The following ROBO1 variants were observed in gnomAD, a reference collection of about 807,000 sequenced individuals.
The protein encoded by ROBO1 is roundabout homolog 1.
In ROBO1, 149 loss-of-function variants were observed where a neutral mutation model predicts 195.9. The observed-to-expected ratio is 0.76, with a 90% CI of 0.67 to 0.87. The LOEUF (loss-of-function observed/expected upper bound fraction) is 0.87. Ranked by LOEUF, ROBO1 falls within the 40% of genes least tolerant of loss-of-function variation. The pLI, the probability that ROBO1 is intolerant of heterozygous loss-of-function variation, is 0.00. For missense variants in ROBO1, 1,933 were observed against 2,068.3 expected (o/e 0.93, Z 1.27); for synonymous variants, 816 against 733.2 (o/e 1.11, Z -1.82).
chr3:78,936,474 A>G (rs2039813924), intron 4 of ROBO1, among the ~76,000 whole-genome samples: 1 of 152,072 alleles, frequency 6.6e-6, no homozygotes, highest in East Asian at 1.9e-4. Flanking sequence ...TTGGTCCTCT[A>G]TATTCATGGG....
chr3:79,318,400 G>A (rs543994996), intron 2 of ROBO1, among the ~76,000 whole-genome samples: 3 of 152,266 alleles, frequency 2.0e-5, no homozygotes, highest in Non-Finnish European at 4.4e-5. Context: ...TATGTCACTT[G>A]TTAAATATTC....
chr3:78,972,861 A>T (rs2076798661), intron 3 of ROBO1, among the ~76,000 whole-genome samples: 1 of 152,202 alleles, frequency 6.6e-6, no homozygotes, highest in African/African-American at 2.4e-5. Context: ...GGGAAACTGG[A>T]ATCCTTCCTG....
At chr3:79,633,857 C>T (rs1039008629) in intron 1 of ROBO1, among the ~76,000 whole-genome samples, 2 of 152,076 alleles carry the variant, frequency 1.3e-5, no homozygotes, top group Admixed American at 1.3e-4. Context: ...GCCACTGAAG[C>T]TGTGTCCATC....
chr3:78,683,274 G>C (rs992628286), intron 10 of ROBO1, among the ~76,000 whole-genome samples: 2 of 151,910 alleles, frequency 1.3e-5, no homozygotes, highest in African/African-American at 4.8e-5. Context: ...GATACATGTG[G>C]GATATTTACT....
chr3:78,873,702 A>C (rs11127636), intron 4 of ROBO1, among the ~76,000 whole-genome samples: 62,389 of 151,902 alleles, frequency 0.41, 13,152 homozygotes, highest in South Asian at 0.54. Flanking sequence ...GAGGTTAGGA[A>C]ATTTTTAAAA....
intron 2 of ROBO1, among the ~76,000 whole-genome samples, chr3:79,458,338 TC>T (rs2039686810): frequency 6.6e-6 from 1 of 152,170 alleles, no homozygotes; most frequent in African/African-American, 2.4e-5. Flanking sequence ...CAAACAATGT[TC>T]TTTATTCCAA....
At chr3:79,041,401 T>G (rs2078485142) in intron 3 of ROBO1, among the ~76,000 whole-genome samples, 1 of 152,136 alleles carries the variant, frequency 6.6e-6, no homozygotes, top group Non-Finnish European at 1.5e-5. Context: ...TGTAAATATT[T>G]GAGAGGTATT....
intron 1 of ROBO1, among the ~76,000 whole-genome samples, chr3:79,603,678 A>T (rs1944403546): frequency 6.6e-6 from 1 of 152,030 alleles, no homozygotes; most frequent in Admixed American, 6.6e-5. Flanking sequence ...CTGTGCTTTG[A>T]GTAAATACAT....
chr3:79,183,182 A>AT, intron 2 of ROBO1, among the ~76,000 whole-genome samples: 1 of 151,660 alleles, frequency 6.6e-6, no homozygotes. Flanking sequence ...TTATTTTATG[A>AT]TTTTAATTTC....
At chr3:79,324,286 C>A (rs1004002464) in intron 2 of ROBO1, among the ~76,000 whole-genome samples, 4 of 152,104 alleles carry the variant, frequency 2.6e-5, no homozygotes, top group Admixed American at 6.6e-5. Context: ...TTATTTTGCA[C>A]CTGCTATCTA....
intron 4 of ROBO1, among the ~76,000 whole-genome samples, chr3:78,832,190 G>T (rs2108744978): frequency 6.6e-6 from 1 of 152,282 alleles, no homozygotes; most frequent in East Asian, 1.9e-4. Context: ...ATTTGAAAGA[G>T]ATTCATTTTC....
Position 79,117,806 on chromosome 3 carries a change from T to C in ROBO1, c.172+7650A>G, listed in dbSNP as rs1200222932. Among the ~76,000 whole-genome samples, 4 of 152,294 alleles carry C rather than the reference T, an allele frequency of 2.6e-5. No homozygotes were observed. The East Asian group carries it at 7.7e-4, about 29-fold the overall frequency. ...TTGAAATAAATGGAAGGTGGACTGATGTCTATGATAGTGAAAAAAATATTT... is the reference window on the plus strand; with the variant it reads ...TTGAAATAAATGGAAGGTGGACTGACGTCTATGATAGTGAAAAAAATATTT... On this transcript the variant is annotated intron_variant, in intron 3 of 30. Coordinates refer to ENST00000464233, the MANE Select transcript of ROBO1 (RefSeq NM_002941.4).
intron 4 of ROBO1, among the ~76,000 whole-genome samples, chr3:78,873,371 A>G (rs1194878435): frequency 2.6e-5 from 4 of 152,160 alleles, no homozygotes; most frequent in African/African-American, 9.6e-5. Context: ...AGCTGGCTAA[A>G]CTGTTAGATC....
chr3:79,097,534 T>G (rs774937232), intron 3 of ROBO1, among the ~76,000 whole-genome samples: 20 of 151,832 alleles, frequency 1.3e-4, no homozygotes, highest in Admixed American at 7.2e-4. Context: ...AAACTAAATT[T>G]ATTTGCACTT....
At chr3:78,762,198 A>C (rs764367674) in intron 4 of ROBO1, among the ~76,000 whole-genome samples, 1 of 152,082 alleles carries the variant, frequency 6.6e-6, no homozygotes, top group South Asian at 2.1e-4. Context: ...CTTTAAATGC[A>C]TAAGTATTTT....
At chr3:79,044,172 A>G (rs1286612263) in intron 3 of ROBO1, among the ~76,000 whole-genome samples, 5 of 152,004 alleles carry the variant, frequency 3.3e-5, no homozygotes, top group Admixed American at 1.3e-4. Context: ...ATCTTTTAAG[A>G]AAGTATACAA....
chr3:78,804,186 G>C (rs1409743971), intron 4 of ROBO1, among the ~76,000 whole-genome samples: 2 of 152,078 alleles, frequency 1.3e-5, no homozygotes, highest in African/African-American at 4.8e-5. Context: ...ATTCAGATTT[G>C]GTAAACATGT....
chr3:79,201,837 T>C (rs2081770842), intron 2 of ROBO1, among the ~76,000 whole-genome samples: 1 of 151,004 alleles, frequency 6.6e-6, no homozygotes, highest in Non-Finnish European at 1.5e-5. Context: ...GTTGTAGTAA[T>C]AATTATTCAT....
chr3:78,885,909 T>TTATATATATATA (rs10651992), intron 4 of ROBO1, among the ~76,000 whole-genome samples: 1,538 of 117,566 alleles, frequency 0.013, 51 homozygotes, highest in African/African-American at 0.038. Flanking sequence ...TAGCAAAATT[T>TTATATATATATA]TATATATATA....
Sources: gnomAD v4.1 joint callset for allele counts (sites outside exome capture counted in the v4.1 genomes callset) on GRCh38, gnomAD v4.1.1 for gene constraint, MANE v1.5 for transcripts, NCBI Gene and HGNC (gene_info 2026-07-23, HGNC 2026-07-21) for gene names.